Variants in NLRP5 observed in about 807,000 individuals in gnomAD.
NLRP5 encodes NACHT, LRR and PYD domains-containing protein 5.
A neutral mutation model predicts 113.1 loss-of-function variants in NLRP5; 93 were observed. The observed-to-expected ratio is 0.82, with a 90% CI of 0.70 to 0.98. NLRP5 has a LOEUF of 0.98. Among genes scored for constraint, NLRP5 ranks in the 50% least tolerant of loss-of-function variants. The probability of loss-of-function intolerance (pLI) is 0.00; values close to 1 mark genes in which losing one functional copy is unlikely to be tolerated. For synonymous variants in NLRP5, 751 were observed against 600.7 expected, an observed-to-expected ratio of 1.25 and a Z score of -3.66; for missense variants, 1,808 against 1,514.3, an observed-to-expected ratio of 1.19 and a Z score of -3.22.
rs375845864 is a variant in NLRP5, at chr19:56,026,527, C to CAAAAAAAAA, written c.680-372_680-364dup. ...TGGGTGACAGAGCAAGACTCCATCTCAAAAAAAAAAAAAAAAAAAAAATAG... is the reference window on the plus strand; with the variant it reads ...TGGGTGACAGAGCAAGACTCCATCTCAAAAAAAAAAAAAAAAAAAAAAAAAAAAAAATAG... On this transcript the variant is annotated intron_variant, in intron 6 of 14. Transcript: ENST00000390649. Among the ~76,000 whole-genome samples the CAAAAAAAAA allele has an allele frequency of 5.0e-5, 2 of 40,348 alleles. 1 individual carries two copies. The highest frequency in any genetic ancestry group is 8.6e-5 in the Non-Finnish European group (2 of 23,124). The allele number at this position is 40,348 out of a possible 152,430, so 26.5% of individuals were successfully genotyped here. A position where few individuals can be genotyped will look rare whatever the true frequency, so the allele number is the denominator to read the frequency against.
At chr19:56,046,211 C>T (rs1003736174) in intron 11 of NLRP5, among the ~76,000 whole-genome samples, 6 of 152,168 alleles carry the variant, frequency 3.9e-5, no homozygotes, top group South Asian at 4.1e-4. Flanking sequence ...ATTGAAATCA[C>T]GTGATTTTTA....
upstream of NLRP5, among the ~76,000 whole-genome samples, chr19:55,999,204 T>C (rs936255280): frequency 1.3e-4 from 18 of 135,022 alleles, no homozygotes; most frequent in Middle Eastern, 3.5e-3. Context: ...ATCTTTTTTT[T>C]TCTTTTTCTT....
At chr19:56,033,186 G>A (rs561739135) in intron 8 of NLRP5, among the ~76,000 whole-genome samples, 1 of 152,142 alleles carries the variant, frequency 6.6e-6, no homozygotes, top group Non-Finnish European at 1.5e-5. Context: ...GGGAGGTGGA[G>A]GTTGCAGTGA....
intron 2 of NLRP5, among the ~76,000 whole-genome samples, chr19:56,005,976 G>A (rs1275562988): frequency 6.6e-6 from 1 of 152,140 alleles, no homozygotes; most frequent in Non-Finnish European, 1.5e-5. Context: ...GAGATTGATT[G>A]TTTAACATTC....
chr19:56,041,849 T>C (rs1162039107), intron 11 of NLRP5, among the ~76,000 whole-genome samples: 2 of 152,244 alleles, frequency 1.3e-5, no homozygotes, highest in Middle Eastern at 3.4e-3. Context: ...CTCAGGAGGC[T>C]GAGGCAGGAC....
Position 56,027,608 on chromosome 19 carries a change from A to C in NLRP5, c.1375A>C (p.Met459Leu). 1 of 1,613,876 alleles carries C rather than the reference A, an allele frequency of 6.2e-7. No individual in the cohort carries two copies. The change falls in exon 7 of 15, where the codon ATG (methionine) becomes CTG (leucine). Residue 459 changes from methionine (M) to leucine (L), a missense_variant. Coordinates refer to ENST00000390649, the MANE Select transcript of NLRP5 (RefSeq NM_153447.4). ...GAAGACACAAGGGTTGCGTGCGATC[A>C]TGAACAACCGTGAGCTGCTCGACCA...
intron 3 of NLRP5, among the ~76,000 whole-genome samples, chr19:56,011,266 A>T (rs1982180899): frequency 1.3e-5 from 2 of 152,190 alleles, no homozygotes. Flanking sequence ...GAATGATTCC[A>T]TTCATATAAA....
At chr19:56,042,515 C>G (rs775445085) in intron 11 of NLRP5, among the ~76,000 whole-genome samples, 27 of 152,184 alleles carry the variant, frequency 1.8e-4, no homozygotes, top group Non-Finnish European at 3.1e-4. Flanking sequence ...CACCTGGCTA[C>G]TTTTTGTATT....
intron 7 of NLRP5, among the ~76,000 whole-genome samples, chr19:56,029,698 C>T (rs1287205107): frequency 6.6e-6 from 1 of 152,200 alleles, no homozygotes; most frequent in East Asian, 1.9e-4. Flanking sequence ...TGTGGACAGG[C>T]TGGGTGGACG....
intron 3 of NLRP5, among the ~76,000 whole-genome samples, chr19:56,009,114 A>G (rs61386341): frequency 0.31 from 46,688 of 151,568 alleles, 7,353 homozygotes; most frequent in Admixed American, 0.36. Flanking sequence ...TGAGGTGGGC[A>G]GATCACCTGA....
intron 2 of NLRP5, among the ~76,000 whole-genome samples, chr19:56,007,748 C>T (rs1981979175): frequency 7.0e-6 from 1 of 143,224 alleles, no homozygotes; most frequent in Non-Finnish European, 1.5e-5. Flanking sequence ...GTGGAATAAA[C>T]ACAGGGAGAC....
rs1395891486 is a variant in NLRP5 at position 56,027,184 on chromosome 19, C to T, written c.951C>T (p.Phe317=). ...ACCAGGGAATGTTCTCCTACGTCTTCTTCCTCCCCGTTAGAGAGATGCAGC... is the reference window on the plus strand; with the variant it reads ...ACCAGGGAATGTTCTCCTACGTCTTTTTCCTCCCCGTTAGAGAGATGCAGC... Residue 317 remains phenylalanine, a synonymous_variant, in exon 7 of 15, where the codon TTC becomes TTT. Coordinates refer to ENST00000390649, the MANE Select transcript of NLRP5 (RefSeq NM_153447.4). 3.1e-6 allele frequency: 5 copies of T among 1,609,008 alleles called. No homozygotes were observed. Among genetic ancestry groups the T allele is most frequent in the Non-Finnish European group, 4.2e-6 (5 of 1,177,810 alleles).
At chr19:55,990,508 T>C in the NLRP5 span, among the ~76,000 whole-genome samples, 1 of 151,424 alleles carries the variant, frequency 6.6e-6, no homozygotes, top group African/African-American at 2.4e-5. Context: ...CTGACTAACA[T>C]GGCGAAATAC....
intron 1 of NLRP5, among the ~76,000 whole-genome samples, chr19:56,000,815 G>A (rs999181511): frequency 1.3e-5 from 2 of 151,124 alleles, no homozygotes; most frequent in South Asian, 2.1e-4. Context: ...AGACCATCCT[G>A]GCCAACATGG....
chr19:55,992,385 C>T, the NLRP5 span, among the ~76,000 whole-genome samples: 1 of 151,938 alleles, frequency 6.6e-6, no homozygotes, highest in Non-Finnish European at 1.5e-5. Context: ...GTGTATATAC[C>T]CAGTGATGGG....
At chr19:55,994,076 C>T in the NLRP5 span, among the ~76,000 whole-genome samples, 5 of 152,134 alleles carry the variant, frequency 3.3e-5, no homozygotes, top group Non-Finnish European at 5.9e-5. Context: ...TGCTAATTTA[C>T]ATTTCCACTG....
At chr19:56,006,162 A>AACTATC (rs1161722687) in intron 2 of NLRP5, among the ~76,000 whole-genome samples, 1 of 152,144 alleles carries the variant, frequency 6.6e-6, no homozygotes, top group African/African-American at 2.4e-5. Context: ...ATTCTCAGCA[A>AACTATC]ACTATCACAA....
At chr19:55,995,101 T>C (rs578182498), upstream of NLRP5, among the ~76,000 whole-genome samples, 278 of 152,188 alleles carry the variant, frequency 1.8e-3, no homozygotes, top group African/African-American at 6.3e-3. Context: ...GAGCAAACTA[T>C]CGCAAGGACA....
chr19:56,042,786 T>A (rs892888272), intron 11 of NLRP5, among the ~76,000 whole-genome samples: 27 of 152,176 alleles, frequency 1.8e-4, no homozygotes, highest in African/African-American at 6.5e-4. Flanking sequence ...AAGTCCATTG[T>A]ATCATTCTTA....
Sources: gnomAD v4.1 joint callset for allele counts (sites outside exome capture counted in the v4.1 genomes callset) on GRCh38, gnomAD v4.1.1 for gene constraint, MANE v1.5 for transcripts, NCBI Gene and HGNC (gene_info 2026-07-23, HGNC 2026-07-21) for gene names.